The following CSMD2 variants were observed in gnomAD, a reference collection of about 807,000 sequenced individuals.
The protein encoded by CSMD2 is CUB and sushi domain-containing protein 2.
CSMD2 carries 130 observed loss-of-function variants against 398.5 expected under a neutral mutation model. That is an observed-to-expected ratio of 0.33 (90% confidence interval 0.28 to 0.38). CSMD2 has a LOEUF of 0.38. CSMD2 is among the 10% of genes least tolerant of loss of function. The pLI, the probability that CSMD2 is intolerant of heterozygous loss-of-function variation, is 1.00. For missense variants in CSMD2, 3,829 were observed against 4,764.9 expected, an observed-to-expected ratio of 0.80 and a Z score of 5.78; for synonymous variants, 1,828 against 1,908.5, an observed-to-expected ratio of 0.96 and a Z score of 1.10.
chr1:33,996,791 G>A lies in CSMD2; in HGVS notation c.517+35803C>T, dbSNP rs181296493. Among the ~76,000 whole-genome samples the A allele has an allele frequency of 2.7e-5, 4 of 150,050 alleles. No homozygotes were observed. In the East Asian group the frequency reaches 8.3e-4, roughly 31 times the overall value. The stretch of plus-strand genomic sequence containing the variant: ...GAAAGGAAGGAGAAAAGGGCGGGAG[G>A]AAGAGGAAGGGGAGGGAGGGAGAGG... On this transcript the variant is annotated intron_variant, in intron 3 of 70. Coordinates refer to ENST00000373381, the MANE Select transcript of CSMD2 (RefSeq NM_001281956.2).
Position 33,550,225 on chromosome 1 carries a change from T to C in CSMD2, c.8869A>G (p.Met2957Val), listed in dbSNP as rs1406375404. 6.2e-7 allele frequency: 1 copy of C among 1,614,184 alleles called. No homozygotes were observed. Among genetic ancestry groups the C allele is most frequent in the Non-Finnish European group, 8.5e-7 (1 of 1,180,038 alleles). ...KRTLVGNSTR[M>V]CGLDGHWTGS... Reference sequence around the variant, plus strand: ...GTCCAGTGTCCATCCAGCCCACACATGCGGGTGCTGTTTCCCACCAGAGTA... The same window carrying C: ...GTCCAGTGTCCATCCAGCCCACACACGCGGGTGCTGTTTCCCACCAGAGTA... Residue 2957 changes from methionine (M) to valine (V), a missense_variant, in exon 56 of 71, where the codon ATG becomes GTG. Met to Val is a conservative substitution (Grantham distance 21). Around this residue, in one of 5 missense-constraint regions of CSMD2, gnomAD observed 917 missense variants for 1,199.5 expected, o/e 0.76. Transcript: ENST00000373381.
At chr1:33,761,301 G>A (rs1649786321) in intron 13 of CSMD2, among the ~76,000 whole-genome samples, 1 of 152,160 alleles carries the variant, frequency 6.6e-6, no homozygotes, top group African/African-American at 2.4e-5. Context: ...TCTCTCCTGT[G>A]AGATCCCACA....
At chr1:33,741,098 A>T (rs1647050478) in intron 14 of CSMD2, among the ~76,000 whole-genome samples, 1 of 152,130 alleles carries the variant, frequency 6.6e-6, no homozygotes, top group Admixed American at 6.5e-5. Flanking sequence ...ATTGTTGTTC[A>T]TTATGTTCCA....
intron 2 of CSMD2, among the ~76,000 whole-genome samples, chr1:34,085,507 A>C (rs1253876252): frequency 6.6e-6 from 1 of 152,130 alleles, no homozygotes; most frequent in Non-Finnish European, 1.5e-5. Flanking sequence ...CTTTGACAGC[A>C]CAATCAGAAT....
At chr1:33,592,092 T>C (rs1639498725) in intron 44 of CSMD2, 1 of 395,530 alleles carries the variant, frequency 2.5e-6, no homozygotes, top group Non-Finnish European at 4.7e-6. Context: ...CAGGCTAGAA[T>C]AAGCAAAAAA....
At chr1:34,109,844 T>C (rs1049906122) in intron 1 of CSMD2, among the ~76,000 whole-genome samples, 1 of 151,358 alleles carries the variant, frequency 6.6e-6, no homozygotes, top group Non-Finnish European at 1.5e-5. Flanking sequence ...TCAAGACCAG[T>C]CTGGCCAACA....
chr1:34,013,437 G>T (rs1249757340), intron 3 of CSMD2, among the ~76,000 whole-genome samples: 1 of 152,148 alleles, frequency 6.6e-6, no homozygotes, highest in Non-Finnish European at 1.5e-5. Context: ...GCTCTCCTGA[G>T]ACCCCAAATC....
intron 6 of CSMD2, among the ~76,000 whole-genome samples, chr1:33,833,311 A>C (rs1298251309): frequency 1.9e-5 from 2 of 107,488 alleles, no homozygotes; most frequent in Non-Finnish European, 3.5e-5. Flanking sequence ...CCATGATCAA[A>C]TGAGCTTCAT....
At chr1:33,966,812 C>A (rs1158431125) in intron 3 of CSMD2, among the ~76,000 whole-genome samples, 34 of 152,128 alleles carry the variant, frequency 2.2e-4, no homozygotes, top group Admixed American at 2.2e-3. Flanking sequence ...ACTTTTGTGA[C>A]AGCTAAAAAG....
intron 3 of CSMD2, among the ~76,000 whole-genome samples, chr1:33,960,007 G>C (rs1022352121): frequency 6.6e-6 from 1 of 152,078 alleles, no homozygotes; most frequent in Non-Finnish European, 1.5e-5. Context: ...CTTGACTTTC[G>C]GCCCCTTTCC....
chr1:34,159,049 G>A (rs1641067492), intron 1 of CSMD2, among the ~76,000 whole-genome samples: 3 of 152,156 alleles, frequency 2.0e-5, no homozygotes. Context: ...AAAGGAAAGG[G>A]AGCCCTGGGC....
intron 1 of CSMD2, among the ~76,000 whole-genome samples, chr1:34,146,661 G>A (rs1394404722): frequency 1.3e-5 from 2 of 152,182 alleles, no homozygotes; most frequent in African/African-American, 4.8e-5. Flanking sequence ...CATAAGATGT[G>A]GTTAGTGAAA....
chr1:33,818,056 C>T (rs1333455222), intron 9 of CSMD2, among the ~76,000 whole-genome samples: 1 of 152,210 alleles, frequency 6.6e-6, no homozygotes, highest in Non-Finnish European at 1.5e-5. Flanking sequence ...AAACAATCAT[C>T]ATCTCTTGAG....
rs375555153 is a variant in CSMD2 at position 33,614,695 on chromosome 1, T to C, written c.6017-75A>G. On this transcript the variant is annotated intron_variant, in intron 39 of 70. Coordinates refer to ENST00000373381, the MANE Select transcript of CSMD2 (RefSeq NM_001281956.2). ...CAGGGCCCTGCCAATGTTTGGAAGCTCCCTTCAAGCAGCAGTTTTTAAGCT... is the reference window on the plus strand; with the variant it reads ...CAGGGCCCTGCCAATGTTTGGAAGCCCCCTTCAAGCAGCAGTTTTTAAGCT... 31 of 797,928 alleles carry C rather than the reference T, an allele frequency of 3.9e-5. 1 individual carries two copies. The highest frequency in any genetic ancestry group is 2.6e-4 in the African/African-American group (15 of 57,866). The allele number at this position is 797,928 out of a possible 1,614,324, so 49.4% of individuals were successfully genotyped here. A position where few individuals can be genotyped will look rare whatever the true frequency, so the allele number is the denominator to read the frequency against.
chr1:33,929,766 T>C (rs1644253018), intron 4 of CSMD2, among the ~76,000 whole-genome samples: 1 of 151,544 alleles, frequency 6.6e-6, no homozygotes, highest in African/African-American at 2.4e-5. Context: ...CCACAGGGGC[T>C]TGTTTTCTGT....
intron 1 of CSMD2, among the ~76,000 whole-genome samples, chr1:34,096,536 T>C (rs1659329977): frequency 7.0e-6 from 1 of 143,744 alleles, no homozygotes; most frequent in Non-Finnish European, 1.5e-5. Flanking sequence ...CAAAATCTCC[T>C]TAAGCTGATA....
intron 5 of CSMD2, among the ~76,000 whole-genome samples, chr1:33,853,563 G>C (rs141650794): frequency 6.6e-6 from 1 of 151,804 alleles, no homozygotes; most frequent in East Asian, 1.9e-4. Flanking sequence ...AGTATGACTG[G>C]CACTGAGAGA....
intron 25 of CSMD2, among the ~76,000 whole-genome samples, chr1:33,669,176 A>G (rs958773547): frequency 1.3e-5 from 2 of 152,210 alleles, no homozygotes; most frequent in Non-Finnish European, 2.9e-5. Context: ...TCTGTCTGGT[A>G]CCAAAGGCCT....
At chr1:33,809,914 C>A (rs752400628) in intron 10 of CSMD2, among the ~76,000 whole-genome samples, 2 of 151,600 alleles carry the variant, frequency 1.3e-5, no homozygotes, top group Admixed American at 6.6e-5. Flanking sequence ...ATAATAGCAA[C>A]GATAAATATA....
Sources: gnomAD v4.1 joint callset for allele counts (sites outside exome capture counted in the v4.1 genomes callset) on GRCh38, gnomAD v4.1.1 for gene constraint, gnomAD v4.1.1 regional missense constraint, MANE v1.5 for transcripts, NCBI Gene and HGNC (gene_info 2026-07-23, HGNC 2026-07-21) for gene names.